Variants in EXOC4 observed in about 807,000 individuals in gnomAD.
The protein encoded by EXOC4 is SEC8-like 1.
Under a neutral mutation model 107.2 loss-of-function variants are expected in EXOC4, and 71 were observed. The ratio of observed to expected loss-of-function variants is 0.66; its 90% CI spans 0.55 to 0.81. The LOEUF (loss-of-function observed/expected upper bound fraction) is 0.81. Ranked by LOEUF, EXOC4 falls within the 30% of genes least tolerant of loss-of-function variation. EXOC4 has a pLI of 0.00. For synonymous variants in EXOC4, 456 were observed against 441.2 expected (o/e 1.03, Z -0.42); for missense variants, 1,108 against 1,189.6 (o/e 0.93, Z 1.01).
chr7:134,079,185 C>T, the EXOC4 span, among the ~76,000 whole-genome samples: 2 of 152,190 alleles, frequency 1.3e-5, no homozygotes, highest in Non-Finnish European at 2.9e-5. Flanking sequence ...AGCAAGAGAA[C>T]GTAAACATCC....
chr7:133,745,450 C>G (rs182454080), intron 10 of EXOC4, among the ~76,000 whole-genome samples: 4 of 151,916 alleles, frequency 2.6e-5, no homozygotes, highest in Non-Finnish European at 5.9e-5. Flanking sequence ...TATTAAATGA[C>G]TAACATATAG....
rs67568218 is a variant in EXOC4 at position 133,584,574 on chromosome 7, G to GTTTTTTT, written c.1418-45467_1418-45461dup. 5.7e-4 allele frequency among the ~76,000 whole-genome samples: 48 copies of GTTTTTTT among 84,810 alleles called. 10 individuals carry two copies. Among genetic ancestry groups the GTTTTTTT allele is most frequent in the South Asian group, 1.7e-3 (4 of 2,352 alleles). The allele number at this position is 84,810 out of a possible 152,430, so 55.6% of individuals were successfully genotyped here. A position where few individuals can be genotyped will look rare whatever the true frequency, so the allele number is the denominator to read the frequency against. ...AGGCCTTTGTTTTTTACGTATTTCA[G>GTTTTTTT]TTTTTTTTTTGTTTTTTTTTTTGAG... On this transcript the variant is annotated intron_variant, in intron 9 of 17. Coordinates refer to ENST00000253861, the MANE Select transcript of EXOC4 (RefSeq NM_021807.4).
intron 9 of EXOC4, among the ~76,000 whole-genome samples, chr7:133,491,211 A>T (rs548270132): frequency 2.0e-5 from 3 of 152,378 alleles, no homozygotes; most frequent in Admixed American, 6.5e-5. Context: ...TATGAATGCG[A>T]CATGAATATT....
chr7:133,817,373 G>C lies in EXOC4; in HGVS notation c.1563G>C (p.Gln521His). ...EHALGLGPAK[Q>H]CPLREFLTVY... is the part of the protein sequence containing the mutation. ...CTCTGGGTCTTGGCCCAGCCAAACA[G>C]TGTCCTCTTCGAGAGTTTCTCACCG... The change falls in exon 11 of 18, where the codon CAG becomes CAC. Residue 521 changes from glutamine to histidine, a missense_variant. Physicochemically the swap from Gln to His is conservative, Grantham distance 24. Coordinates refer to ENST00000253861, the MANE Select transcript of EXOC4 (RefSeq NM_021807.4). 6.2e-7 allele frequency: 1 copy of C among 1,614,134 alleles called. No homozygotes were observed. Among genetic ancestry groups the C allele is most frequent in the South Asian group, 1.1e-5 (1 of 91,062 alleles).
intron 17 of EXOC4, among the ~76,000 whole-genome samples, chr7:134,058,368 T>C (rs1366477065): frequency 6.6e-6 from 1 of 152,036 alleles, no homozygotes; most frequent in African/African-American, 2.4e-5. Flanking sequence ...AAAATAATTA[T>C]CTCCCTTCCC....
At chr7:133,791,498 A>T (rs1175255633) in intron 10 of EXOC4, among the ~76,000 whole-genome samples, 1 of 152,222 alleles carries the variant, frequency 6.6e-6, no homozygotes, top group Non-Finnish European at 1.5e-5. Context: ...GTGGAAGAAG[A>T]ACTATTCAGA....
chr7:133,680,308 A>G (rs1794158482), intron 10 of EXOC4, among the ~76,000 whole-genome samples: 1 of 152,108 alleles, frequency 6.6e-6, no homozygotes, highest in African/African-American at 2.4e-5. Flanking sequence ...AAAATCTCAC[A>G]TTTTCTTCTA....
At chr7:133,823,888 ATATATT>A (rs1797622594) in intron 11 of EXOC4, among the ~76,000 whole-genome samples, 2 of 22,212 alleles carry the variant, frequency 9.0e-5, no homozygotes, top group African/African-American at 1.2e-3. Context: ...ATATATATAT[ATATATT>A]TTATATATAT....
chr7:133,731,537 AAAAT>A (rs1795326027), intron 10 of EXOC4, among the ~76,000 whole-genome samples: 1 of 152,206 alleles, frequency 6.6e-6, no homozygotes, highest in African/African-American at 2.4e-5. Flanking sequence ...AGCAGAGAAA[AAAAT>A]AAAGAGATAA....
At chr7:133,855,069 C>A (rs59911966) in intron 11 of EXOC4, among the ~76,000 whole-genome samples, 765 of 42,504 alleles carry the variant, frequency 0.018, 18 homozygotes, top group African/African-American at 0.14. Flanking sequence ...CTAAATATAT[C>A]TAAATATATC....
chr7:133,557,329 A>G (rs1257596652), intron 9 of EXOC4, among the ~76,000 whole-genome samples: 1 of 151,372 alleles, frequency 6.6e-6, no homozygotes, highest in African/African-American at 2.4e-5. Flanking sequence ...ACTATACTCT[A>G]TATTTCAGTT....
At chr7:133,295,988 G>A (rs1331872508) in intron 3 of EXOC4, among the ~76,000 whole-genome samples, 2 of 152,174 alleles carry the variant, frequency 1.3e-5, no homozygotes, top group South Asian at 2.1e-4. Context: ...TATTCCGTAT[G>A]GATTTTCCAC....
At chr7:133,300,466 C>T (rs1794617763) in intron 3 of EXOC4, among the ~76,000 whole-genome samples, 3 of 152,192 alleles carry the variant, frequency 2.0e-5, no homozygotes, top group East Asian at 1.9e-4. Flanking sequence ...AATGAATCCC[C>T]TTTATTTTCC....
rs752899506 is a variant in EXOC4, at chr7:133,356,605, A to G, written c.1007+32A>G. The G allele has an allele frequency of 1.9e-6, 3 of 1,609,210 alleles. No individual in the cohort carries two copies. The South Asian group carries it at 3.3e-5, about 18-fold the overall frequency. ...GGGAGTGTATTTTGTATTTTTGACA[A>G]CTCTATTTATTGCACATTTTCTAGG... On this transcript the variant is annotated intron_variant, in intron 6 of 17. Transcript: ENST00000253861.
chr7:133,401,486 C>A (rs188546655), intron 7 of EXOC4, among the ~76,000 whole-genome samples: 55 of 151,698 alleles, frequency 3.6e-4, no homozygotes, highest in Non-Finnish European at 2.9e-4. Context: ...TATACTGAGA[C>A]CCCCTTCTCT....
rs185934740 is a variant in EXOC4 at position 133,761,939 on chromosome 7, G to T, written c.1515-55386G>T. 2.6e-5 allele frequency among the ~76,000 whole-genome samples: 4 copies of T among 152,268 alleles called. No individual in the cohort carries two copies. The East Asian group carries it at 7.7e-4, about 29-fold the overall frequency. ...CTTCACTGAAGTGACTTGCCAAGAA[G>T]AAATGAGAAGATGGCACGTGGAGAG... On this transcript the variant is annotated intron_variant, in intron 10 of 17. Coordinates refer to ENST00000253861, the MANE Select transcript of EXOC4 (RefSeq NM_021807.4).
chr7:133,687,346 C>T (rs1032723144), intron 10 of EXOC4, among the ~76,000 whole-genome samples: 9 of 151,868 alleles, frequency 5.9e-5, no homozygotes, highest in African/African-American at 2.2e-4. Context: ...TCCCAAATCA[C>T]CATCAGAGAA....
chr7:133,951,088 C>A (rs578102313), intron 14 of EXOC4, among the ~76,000 whole-genome samples: 1 of 152,188 alleles, frequency 6.6e-6, no homozygotes, highest in African/African-American at 2.4e-5. Context: ...GCGCCACCAG[C>A]GGCCAGAAAC....
rs1344004293 is a variant in EXOC4 at position 133,259,260 on chromosome 7, T to C, written c.86+6073T>C. Among the ~76,000 whole-genome samples, 7 of 144,036 alleles carry C rather than the reference T, an allele frequency of 4.9e-5. 1 individual carries two copies. The East Asian group carries it at 1.2e-3, about 25-fold the overall frequency. The allele number at this position is 144,036 out of a possible 152,430, so 94.5% of individuals were successfully genotyped here. A position where few individuals can be genotyped will look rare whatever the true frequency, so the allele number is the denominator to read the frequency against. ...TTTTTTTTTTTTTTTTGAGGCAGAG[T>C]CTTGCTTTGTCACCTAGGCTGGAGT... On this transcript the variant is annotated intron_variant, in intron 1 of 17. Coordinates refer to ENST00000253861, the MANE Select transcript of EXOC4 (RefSeq NM_021807.4).
Sources: gnomAD v4.1 joint callset for allele counts (sites outside exome capture counted in the v4.1 genomes callset) on GRCh38, gnomAD v4.1.1 for gene constraint, MANE v1.5 for transcripts, NCBI Gene and HGNC (gene_info 2026-07-23, HGNC 2026-07-21) for gene names.